Variants in CCSER1 observed in about 807,000 individuals in gnomAD.
The protein encoded by CCSER1 is serine-rich coiled-coil domain-containing protein 1.
CCSER1 carries 41 observed loss-of-function variants against 82.0 expected under a neutral mutation model. The ratio of observed to expected loss-of-function variants is 0.50; its 90% CI spans 0.39 to 0.65. The LOEUF (loss-of-function observed/expected upper bound fraction) is 0.65, where lower values mean the gene tolerates loss of function less well. Among genes scored for constraint, CCSER1 ranks in the 30% least tolerant of loss-of-function variants. CCSER1 has a pLI of 0.00. For synonymous variants in CCSER1, 414 were observed against 383.9 expected (o/e 1.08, Z -0.92); for missense variants, 1,119 against 1,064.2 (o/e 1.05, Z -0.72).
chr4:90,963,256 T>C (rs889458753), intron 9 of CCSER1, among the ~76,000 whole-genome samples: 1 of 152,156 alleles, frequency 6.6e-6, no homozygotes, highest in Non-Finnish European at 1.5e-5. Context: ...AATAGCATCT[T>C]GAATCTCCGA....
chr4:90,424,899 T>C (rs1392136853), intron 4 of CCSER1, among the ~76,000 whole-genome samples: 1 of 152,250 alleles, frequency 6.6e-6, no homozygotes, highest in African/African-American at 2.4e-5. Flanking sequence ...CCAACATCAG[T>C]GCTGACTTCA....
intron 10 of CCSER1, among the ~76,000 whole-genome samples, chr4:91,276,885 T>C (rs1177828711): frequency 6.6e-6 from 1 of 152,112 alleles, no homozygotes; most frequent in African/African-American, 2.4e-5. Flanking sequence ...TTTTTCCAAA[T>C]GCTTTTTTAC....
chr4:90,531,894 T>C (rs2153630674), intron 5 of CCSER1, among the ~76,000 whole-genome samples: 1 of 152,268 alleles, frequency 6.6e-6, no homozygotes, highest in African/African-American at 2.4e-5. Flanking sequence ...ACAACATACT[T>C]TCAACAGTTT....
intron 10 of CCSER1, among the ~76,000 whole-genome samples, chr4:91,170,733 G>A (rs549937639): frequency 6.6e-6 from 1 of 152,248 alleles, no homozygotes; most frequent in Non-Finnish European, 1.5e-5. Context: ...TTAGTGAGTT[G>A]GAGAAATTCA....
At chr4:90,322,338 G>T (rs965816646) in intron 3 of CCSER1, among the ~76,000 whole-genome samples, 1 of 152,052 alleles carries the variant, frequency 6.6e-6, no homozygotes, top group African/African-American at 2.4e-5. Flanking sequence ...ATTGGTCTGC[G>T]TGTCTGTTTT....
intron 3 of CCSER1, among the ~76,000 whole-genome samples, chr4:90,382,798 G>C (rs571745420): frequency 1.1e-4 from 16 of 152,088 alleles, no homozygotes; most frequent in Non-Finnish European, 1.9e-4. Flanking sequence ...GAAATACAAA[G>C]TTATTTTAAA....
At chr4:90,566,571 C>A (rs1353974088) in intron 5 of CCSER1, among the ~76,000 whole-genome samples, 1 of 149,050 alleles carries the variant, frequency 6.7e-6, no homozygotes, top group Non-Finnish European at 1.5e-5. Flanking sequence ...CCAGGTTATT[C>A]ATTTTGTTGG....
intron 10 of CCSER1, among the ~76,000 whole-genome samples, chr4:91,496,696 C>CAATATATATTG (rs1553946279): frequency 0.31 from 4,661 of 15,056 alleles, 1,965 homozygotes; most frequent in Middle Eastern, 0.58. Context: ...TATATATATT[C>CAATATATATTG]AATATATATA....
At chr4:91,232,231 C>T (rs868513670) in intron 10 of CCSER1, among the ~76,000 whole-genome samples, 3 of 151,832 alleles carry the variant, frequency 2.0e-5, no homozygotes, top group African/African-American at 4.8e-5. Context: ...GGACTTTATA[C>T]TTCAGGAATT....
At chr4:91,489,536 G>A (rs988027763) in intron 10 of CCSER1, among the ~76,000 whole-genome samples, 17 of 152,106 alleles carry the variant, frequency 1.1e-4, no homozygotes, top group Admixed American at 7.2e-4. Flanking sequence ...CGGGCACGGT[G>A]GCTCATGCCT....
intron 10 of CCSER1, among the ~76,000 whole-genome samples, chr4:91,102,196 T>C (rs1725139077): frequency 6.6e-6 from 1 of 152,186 alleles, no homozygotes; most frequent in Non-Finnish European, 1.5e-5. Context: ...CTAGGTATGT[T>C]AGATCCCATG....
chr4:91,325,921 G>T (rs1265581200), intron 10 of CCSER1, among the ~76,000 whole-genome samples: 2 of 151,746 alleles, frequency 1.3e-5, no homozygotes, highest in Non-Finnish European at 2.9e-5. Flanking sequence ...AGAACTTTAT[G>T]AATCAAATTA....
intron 10 of CCSER1, among the ~76,000 whole-genome samples, chr4:91,469,187 T>C (rs1251799483): frequency 6.6e-6 from 1 of 152,178 alleles, no homozygotes; most frequent in Admixed American, 6.5e-5. Flanking sequence ...AAGCTGCTCA[T>C]ATCTTTAGGC....
At chr4:90,405,270 C>G (rs1266191251) in intron 4 of CCSER1, among the ~76,000 whole-genome samples, 3 of 151,732 alleles carry the variant, frequency 2.0e-5, no homozygotes, top group African/African-American at 4.8e-5. Flanking sequence ...CTTCAGAGCT[C>G]AAAGACAAGG....
chr4:90,930,916 A>T (rs976070703), intron 9 of CCSER1, among the ~76,000 whole-genome samples: 1 of 127,188 alleles, frequency 7.9e-6, no homozygotes, highest in African/African-American at 2.7e-5. Flanking sequence ...TATTTTATAT[A>T]TATATATATA....
At chr4:90,926,171 C>T (rs561398681) in intron 9 of CCSER1, among the ~76,000 whole-genome samples, 1 of 151,524 alleles carries the variant, frequency 6.6e-6, no homozygotes, top group East Asian at 1.9e-4. Context: ...TCTGTTTCAC[C>T]CTCAGGAAAT....
rs2149002204 is a variant in CCSER1, at chr4:90,644,569, C to T, written c.1932+16337C>T. On this transcript the variant is annotated intron_variant, in intron 6 of 10. Transcript: ENST00000509176. ...TGGTTTACTGCATCTATAGACCCAT[C>T]ACCTAGGTATTAAGCTCCACGTGCA... Among the ~76,000 whole-genome samples the T allele has an allele frequency of 1.3e-5, 2 of 152,080 alleles. 1 individual carries two copies. Among genetic ancestry groups the T allele is most frequent in the South Asian group, 4.2e-4 (2 of 4,812 alleles).
chr4:90,567,803 T>C (rs982719259), intron 5 of CCSER1, among the ~76,000 whole-genome samples: 5 of 151,754 alleles, frequency 3.3e-5, no homozygotes, highest in Non-Finnish European at 7.4e-5. Flanking sequence ...GACAGAGTTT[T>C]ACTATGCTGC....
intron 10 of CCSER1, among the ~76,000 whole-genome samples, chr4:91,376,627 G>GA (rs561686321): frequency 6.6e-6 from 1 of 151,926 alleles, no homozygotes; most frequent in South Asian, 2.1e-4. Context: ...GCAAATTAAA[G>GA]AAAAAAATTA....
Sources: gnomAD v4.1 joint callset for allele counts (sites outside exome capture counted in the v4.1 genomes callset) on GRCh38, gnomAD v4.1.1 for gene constraint, MANE v1.5 for transcripts, NCBI Gene and HGNC (gene_info 2026-07-23, HGNC 2026-07-21) for gene names.